Variants in ROBO1 observed in about 807,000 individuals in gnomAD.
ROBO1 encodes the protein roundabout guidance receptor 1.
A neutral mutation model predicts 195.9 loss-of-function variants in ROBO1; 149 were observed. The observed-to-expected ratio is 0.76, with a 90% CI of 0.67 to 0.87. ROBO1 has a LOEUF of 0.87. Ranked by LOEUF, ROBO1 falls within the 40% of genes least tolerant of loss-of-function variation. The pLI is 0.00. For missense variants in ROBO1, 1,933 were observed against 2,068.3 expected (o/e 0.93, Z 1.27); for synonymous variants, 816 against 733.2 (o/e 1.11, Z -1.82).
At chr3:79,709,323 A>G (rs1702183758) in intron 1 of ROBO1, among the ~76,000 whole-genome samples, 1 of 152,134 alleles carries the variant, frequency 6.6e-6, no homozygotes, top group Non-Finnish European at 1.5e-5. Flanking sequence ...AATAGTTTAT[A>G]TAATTAGTCT....
intron 3 of ROBO1, among the ~76,000 whole-genome samples, chr3:79,029,100 T>C (rs2078250489): frequency 6.6e-6 from 1 of 152,054 alleles, no homozygotes; most frequent in African/African-American, 2.4e-5. Context: ...TACATAAATA[T>C]ACTAGTCTAA....
chr3:78,646,756 C>A (rs1706320396), intron 20 of ROBO1, among the ~76,000 whole-genome samples: 1 of 151,762 alleles, frequency 6.6e-6, no homozygotes, highest in Non-Finnish European at 1.5e-5. Flanking sequence ...GTGGCTTCTG[C>A]AAATTATTTC....
At chr3:78,990,343 T>A (rs546155818) in intron 3 of ROBO1, among the ~76,000 whole-genome samples, 1 of 152,152 alleles carries the variant, frequency 6.6e-6, no homozygotes, top group Non-Finnish European at 1.5e-5. Context: ...CTGTGGAGTG[T>A]CCCTGCCAAA....
chr3:78,998,816 G>C (rs2077428043), intron 3 of ROBO1, among the ~76,000 whole-genome samples: 2 of 151,992 alleles, frequency 1.3e-5, no homozygotes, highest in South Asian at 2.1e-4. Flanking sequence ...CTGGTTGAGA[G>C]ATCTTTCTGT....
At chr3:78,838,346 T>C (rs2032916075) in intron 4 of ROBO1, among the ~76,000 whole-genome samples, 1 of 152,238 alleles carries the variant, frequency 6.6e-6, no homozygotes, top group African/African-American at 2.4e-5. Flanking sequence ...GCTCTCCTCC[T>C]GTGGATTATT....
chr3:79,536,009 A>G (rs180877140), intron 2 of ROBO1, among the ~76,000 whole-genome samples: 440 of 152,208 alleles, frequency 2.9e-3, no homozygotes, highest in African/African-American at 8.4e-3. Context: ...GGATCTTCCT[A>G]TTAACAATAC....
chr3:78,774,199 T>C (rs382201), intron 4 of ROBO1, among the ~76,000 whole-genome samples: 46,842 of 152,134 alleles, frequency 0.31, 7,361 homozygotes, highest in East Asian at 0.5. Flanking sequence ...CTAAAATAAT[T>C]GTACAATTTA....
intron 3 of ROBO1, among the ~76,000 whole-genome samples, chr3:79,000,050 C>T (rs532535396): frequency 1.1e-4 from 16 of 152,170 alleles, no homozygotes; most frequent in South Asian, 8.3e-4. Context: ...TGTATTAATT[C>T]GTTCCCATGC....
rs184543217 is a variant in ROBO1, at chr3:79,008,673, A to G, written c.173-69746T>C. Reference sequence around the variant, plus strand: ...CAAAGGCATGAACACAGCTCACTGCATCCTCAACCTCCTGGGCTCATCCAC... The same window carrying G: ...CAAAGGCATGAACACAGCTCACTGCGTCCTCAACCTCCTGGGCTCATCCAC... On this transcript the variant is annotated intron_variant, in intron 3 of 30. Transcript: ENST00000464233. Among the ~76,000 whole-genome samples the G allele has an allele frequency of 1.1e-3, 165 of 151,434 alleles. No individual in the cohort carries two copies. The East Asian group carries it at 0.03, about 28-fold the overall frequency.
intron 3 of ROBO1, among the ~76,000 whole-genome samples, chr3:78,945,142 G>A (rs1049661346): frequency 6.6e-6 from 1 of 152,172 alleles, no homozygotes; most frequent in African/African-American, 2.4e-5. Context: ...AGATTTAAAT[G>A]TCCCTCTCTG....
At chr3:79,184,822 T>C (rs1192250551) in intron 2 of ROBO1, among the ~76,000 whole-genome samples, 2 of 152,120 alleles carry the variant, frequency 1.3e-5, no homozygotes, top group African/African-American at 4.8e-5. Context: ...TTCTACAATA[T>C]CCTTCAATGT....
intron 5 of ROBO1, among the ~76,000 whole-genome samples, chr3:78,738,588 C>T (rs538655306): frequency 3.3e-5 from 5 of 152,170 alleles, no homozygotes; most frequent in Admixed American, 1.3e-4. Context: ...CAAAACAATT[C>T]GTTTAAACCA....
At position 79,550,191 on chromosome 3, in the gene ROBO1, GAAAGGAAAAGAAAAGAAAA is replaced by G. The variant is rs1317046795; in HGVS notation, c.88+39614_88+39632del. Among the ~76,000 whole-genome samples, 754 of 86,880 alleles carry G rather than the reference GAAAGGAAAAGAAAAGAAAA, an allele frequency of 8.7e-3. 13 individuals carry two copies. Among genetic ancestry groups the G allele is most frequent in the African/African-American group, 0.031 (706 of 23,120 alleles). 57.0% of individuals were successfully genotyped at this position (86,880 alleles called of 152,430 possible). A position where few individuals can be genotyped will look rare whatever the true frequency, so the allele number is the denominator to read the frequency against. On this transcript the variant is annotated intron_variant, in intron 2 of 30. Coordinates refer to ENST00000464233, the MANE Select transcript of ROBO1 (RefSeq NM_002941.4). ...AGGAAGAAAGAAAGAAAGAAAGAAA[GAAAGGAAAAGAAAAGAAAA>G]GAAAAGAAAAGAAAAGAAAAGAAAA...
intron 1 of ROBO1, among the ~76,000 whole-genome samples, chr3:79,707,188 T>C (rs75004193): frequency 0.036 from 5,530 of 152,262 alleles, 130 homozygotes; most frequent in Non-Finnish European, 0.056. Flanking sequence ...GATATAGGTC[T>C]ATACTGATTG....
chr3:78,602,064 G>GTA (rs1366517170), intron 29 of ROBO1, among the ~76,000 whole-genome samples: 1 of 150,710 alleles, frequency 6.6e-6, no homozygotes, highest in African/African-American at 2.4e-5. Context: ...GTGTGTGTGT[G>GTA]TGTATATATA....
At chr3:78,806,050 C>G (rs1365712699) in intron 4 of ROBO1, among the ~76,000 whole-genome samples, 1 of 152,082 alleles carries the variant, frequency 6.6e-6, no homozygotes, top group South Asian at 2.1e-4. Flanking sequence ...AACTTGAACT[C>G]CTGGGCTCAA....
intron 2 of ROBO1, among the ~76,000 whole-genome samples, chr3:79,315,153 T>C (rs796685936): frequency 7.2e-5 from 11 of 152,214 alleles, no homozygotes; most frequent in African/African-American, 2.6e-4. Context: ...TTAAACTAGA[T>C]ATTCTAGGCC....
rs147352506 is a variant in ROBO1, at chr3:79,628,982, GCA to G, written c.-50-39023_-50-39022del. ...AATTATGTATGTACCCAACACCAGA[GCA>G]CACAGATTCATAAGGCAAATGCTAC... On this transcript the variant is annotated intron_variant, in intron 1 of 30. Transcript: ENST00000464233. Among the ~76,000 whole-genome samples, 283 of 152,178 alleles carry G rather than the reference GCA, an allele frequency of 1.9e-3. 1 individual carries two copies. Among genetic ancestry groups the G allele is most frequent in the African/African-American group, 6.6e-3 (275 of 41,532 alleles).
chr3:79,531,279 A>C (rs1305030892), intron 2 of ROBO1, among the ~76,000 whole-genome samples: 14 of 152,178 alleles, frequency 9.2e-5, no homozygotes, highest in Admixed American at 9.2e-4. Context: ...TATATTAATA[A>C]ATTAATAATA....
Sources: allele counts gnomAD v4.1 joint callset (sites outside exome capture counted in the v4.1 genomes callset), GRCh38; gene constraint gnomAD v4.1.1; transcripts MANE v1.5; gene names NCBI Gene and HGNC (gene_info 2026-07-23, HGNC 2026-07-21).